The following CD247 variants were observed in gnomAD, a reference collection of about 807,000 sequenced individuals.
CD247 encodes CD247 molecule.
A neutral mutation model predicts 30.0 loss-of-function variants in CD247; 13 were observed. That is an observed-to-expected ratio of 0.43 (90% confidence interval 0.28 to 0.69). CD247 has a LOEUF of 0.69. CD247 is among the 30% of genes least tolerant of loss of function. CD247 has a pLI of 0.16. For synonymous variants in CD247, 72 were observed against 80.0 expected (o/e 0.90, Z 0.53); for missense variants, 193 against 212.6 (o/e 0.91, Z 0.57).
chr1:167,483,954 G>A (rs1288774479), intron 1 of CD247, among the ~76,000 whole-genome samples: 1 of 152,242 alleles, frequency 6.6e-6, no homozygotes, highest in Non-Finnish European at 1.5e-5. Flanking sequence ...GTAGCAGGAG[G>A]CTTCCTGAAC....
At chr1:167,433,650 T>TTGA (rs1264290950) in intron 6 of CD247, among the ~76,000 whole-genome samples, 1 of 152,252 alleles carries the variant, frequency 6.6e-6, no homozygotes, top group East Asian at 1.9e-4. Flanking sequence ...CAATTAATTG[T>TTGA]TGATGAACAA....
chr1:167,475,128 C>T (rs1276573300), intron 1 of CD247, among the ~76,000 whole-genome samples: 2 of 152,158 alleles, frequency 1.3e-5, no homozygotes, highest in East Asian at 1.9e-4. Context: ...ATTGCTCACC[C>T]TTGGAGGATG....
intron 1 of CD247, among the ~76,000 whole-genome samples, chr1:167,497,760 C>A (rs569664280): frequency 1.6e-3 from 249 of 152,308 alleles, no homozygotes; most frequent in Non-Finnish European, 2.5e-3. Context: ...GAACCTAACC[C>A]TATCCATAAC....
At chr1:167,504,704 G>A (rs960276059) in intron 1 of CD247, among the ~76,000 whole-genome samples, 2 of 152,194 alleles carry the variant, frequency 1.3e-5, no homozygotes, top group African/African-American at 4.8e-5. Context: ...GGCACAAAGA[G>A]GCATTTATCT....
chr1:167,508,677 A>T (rs913632382), intron 1 of CD247, among the ~76,000 whole-genome samples: 1 of 152,210 alleles, frequency 6.6e-6, no homozygotes, highest in Non-Finnish European at 1.5e-5. Context: ...TGGAAATCAA[A>T]GGAGGAATTT....
chr1:167,494,745 T>C lies in CD247; in HGVS notation c.58+23663A>G, dbSNP rs1463564119. 6.6e-6 allele frequency among the ~76,000 whole-genome samples: 1 copy of C among 152,182 alleles called. No homozygotes were observed. Among genetic ancestry groups the C allele is most frequent in the Non-Finnish European group, 1.5e-5 (1 of 68,034 alleles). ...ATCTCCTATAATTCCTGGATACAGA[T>C]AAATGTTTATTAAAGAATGTGAAGG... is the stretch of plus-strand genomic sequence containing the variant. On this transcript the variant is annotated intron_variant, in intron 1 of 7. Transcript: ENST00000362089. This position sits in a 1 kb window ranked among gnomAD's most constrained non-coding sequence, Gnocchi z 7.3.
intron 1 of CD247, among the ~76,000 whole-genome samples, chr1:167,452,430 G>C (rs893166402): frequency 2.3e-5 from 3 of 131,084 alleles, no homozygotes; most frequent in Non-Finnish European, 5.1e-5. Context: ...AAAAAAAAAA[G>C]ATGAGATTAG....
rs1418206509 is a variant in CD247 at position 167,494,125 on chromosome 1, A to G, written c.58+24283T>C. On this transcript the variant is annotated intron_variant, in intron 1 of 7. Coordinates refer to ENST00000362089, the MANE Select transcript of CD247 (RefSeq NM_198053.3). This position sits in a 1 kb window ranked among gnomAD's most constrained non-coding sequence, Gnocchi z 7.3. ...TACCCAGAGCTAATAGGAGAAGAGG[A>G]CAAGCAGGGGGACAGAACTGAGTCA... 2.6e-5 allele frequency among the ~76,000 whole-genome samples: 4 copies of G among 151,984 alleles called. No homozygotes were observed. The highest frequency in any genetic ancestry group is 5.9e-5 in the Non-Finnish European group (4 of 68,028).
chr1:167,469,231 C>T (rs183052967), intron 1 of CD247, among the ~76,000 whole-genome samples: 1 of 152,140 alleles, frequency 6.6e-6, no homozygotes, highest in Admixed American at 6.5e-5. Flanking sequence ...GATCTGCCCC[C>T]CCTCAGCCTC....
In CD247 at chr1:167,510,516, G is replaced by A. The variant is rs531099009; in HGVS notation, c.58+7892C>T. On this transcript the variant is annotated intron_variant, in intron 1 of 7. Coordinates refer to ENST00000362089, the MANE Select transcript of CD247 (RefSeq NM_198053.3). Reference sequence around the variant, plus strand: ...AGCTGCCTTCTCCCTGCAGCAGGCAGCTCAGGCCAGTAAACCCAGGGGAAC... The same window carrying A: ...AGCTGCCTTCTCCCTGCAGCAGGCAACTCAGGCCAGTAAACCCAGGGGAAC... 1.8e-4 allele frequency among the ~76,000 whole-genome samples: 27 copies of A among 152,294 alleles called. No individual in the cohort carries two copies. The South Asian group carries it at 5.4e-3, about 30-fold the overall frequency.
chr1:167,461,739 T>G (rs1465640454), intron 1 of CD247, among the ~76,000 whole-genome samples: 1 of 151,956 alleles, frequency 6.6e-6, no homozygotes, highest in East Asian at 1.9e-4. Flanking sequence ...TCCCAGCTAC[T>G]CAGGAGGCTG....
chr1:167,476,939 C>T (rs776409829), intron 1 of CD247, among the ~76,000 whole-genome samples: 14 of 152,136 alleles, frequency 9.2e-5, no homozygotes, highest in East Asian at 1.9e-4. Flanking sequence ...TCATCTCACA[C>T]GTGTGGAAGT....
At chr1:167,475,996 AT>A (rs947697025) in intron 1 of CD247, among the ~76,000 whole-genome samples, 7 of 150,606 alleles carry the variant, frequency 4.6e-5, no homozygotes, top group African/African-American at 1.5e-4. Flanking sequence ...TATAGTATAT[AT>A]TTTTTTTCTT....
chr1:167,439,741 C>A, intron 2 of CD247: 1 of 347,884 alleles, frequency 2.9e-6, no homozygotes, highest in Non-Finnish European at 5.4e-6. Flanking sequence ...TCTCTAGGAT[C>A]CCTTCCTCCG....
chr1:167,440,967 G>A (rs1445637741), intron 1 of CD247, among the ~76,000 whole-genome samples, 200 bp from the exon 2 acceptor site: 3 of 152,150 alleles, frequency 2.0e-5, no homozygotes, highest in African/African-American at 4.8e-5. Context: ...TGGCACCAAC[G>A]GCAGATGTGG....
intron 1 of CD247, among the ~76,000 whole-genome samples, chr1:167,482,324 A>G (rs1654006855): frequency 6.6e-6 from 1 of 152,224 alleles, no homozygotes; most frequent in African/African-American, 2.4e-5. Flanking sequence ...GACTCTGATG[A>G]TCAAGAAAGA....
At chr1:167,458,129 T>C (rs1225701810) in intron 1 of CD247, among the ~76,000 whole-genome samples, 1 of 152,234 alleles carries the variant, frequency 6.6e-6, no homozygotes, top group Non-Finnish European at 1.5e-5. Flanking sequence ...CTGGTGTTAA[T>C]ACAGTAATTT....
rs6668182 is a variant in CD247 at position 167,432,746 on chromosome 1, G to A, written c.429+278C>T. ...GTCCTTTGCCTCCATCTGCATCGGCGGGGAGGCTGCGTACCCTCTGGACAG... is the reference window on the plus strand; with the variant it reads ...GTCCTTTGCCTCCATCTGCATCGGCAGGGAGGCTGCGTACCCTCTGGACAG... On this transcript the variant is annotated intron_variant, in intron 7 of 7. Coordinates refer to ENST00000362089, the MANE Select transcript of CD247 (RefSeq NM_198053.3). 0.15 allele frequency among the ~76,000 whole-genome samples: 23,160 copies of A among 152,226 alleles called. 2,330 individuals are homozygous for A. The highest frequency in any genetic ancestry group is 0.28 in the African/African-American group (11,666 of 41,524).
intron 7 of CD247, among the ~76,000 whole-genome samples, chr1:167,432,589 T>G (rs1651323409): frequency 6.6e-6 from 1 of 152,370 alleles, no homozygotes; most frequent in East Asian, 1.9e-4. Flanking sequence ...ATTTTCTTTC[T>G]GAAGCTGCCA....
Sources: allele counts gnomAD v4.1 joint callset (sites outside exome capture counted in the v4.1 genomes callset), GRCh38; gene constraint gnomAD v4.1.1; non-coding constraint Gnocchi (gnomAD v3.1); transcripts MANE v1.5; gene names NCBI Gene and HGNC (gene_info 2026-07-23, HGNC 2026-07-21).